The following PDLIM5 variants were observed in gnomAD, a reference collection of about 807,000 sequenced individuals.
PDLIM5 encodes the protein PDZ and LIM domain protein 5.
A neutral mutation model predicts 64.2 loss-of-function variants in PDLIM5; 34 were observed. That is an observed-to-expected ratio of 0.53 (90% CI 0.40 to 0.71). The LOEUF is 0.71. Among genes scored for constraint, PDLIM5 ranks in the 30% least tolerant of loss-of-function variants. The pLI, the probability that PDLIM5 is intolerant of heterozygous loss-of-function variation, is 0.00. For synonymous variants in PDLIM5, 253 were observed against 269.1 expected, an observed-to-expected ratio of 0.94 and a Z score of 0.59; for missense variants, 683 against 733.6, an observed-to-expected ratio of 0.93 and a Z score of 0.80.
Position 94,575,992 on chromosome 4 carries a change from G to A in PDLIM5, c.668G>A (p.Gly223Glu). 1 of 1,614,136 alleles carries A rather than the reference G, an allele frequency of 6.2e-7. No homozygotes were observed. Among genetic ancestry groups the A allele is most frequent in the African/African-American group, 1.3e-5 (1 of 75,044 alleles). ...CSETSQELAE[G>E]QRRGSQGDSK... is the part of the protein sequence containing the mutation. ...GAGACTTCTCAGGAGCTAGCAGAGGGACAGAGAAGAGGATCCCAGGGTGAC... is the reference window on the plus strand; with the variant it reads ...GAGACTTCTCAGGAGCTAGCAGAGGAACAGAGAAGAGGATCCCAGGGTGAC... Residue 223 changes from glycine (G) to glutamate (E), a missense_variant, in exon 5 of 13, where the codon GGA becomes GAA. Gly to Glu is a moderately conservative substitution (Grantham distance 98). Coordinates refer to ENST00000317968, the MANE Select transcript of PDLIM5 (RefSeq NM_006457.5).
At chr4:94,472,214 T>C (rs77961014) in intron 2 of PDLIM5, among the ~76,000 whole-genome samples, 7 of 152,220 alleles carry the variant, frequency 4.6e-5, no homozygotes, top group African/African-American at 1.4e-4. Flanking sequence ...GAATTACTTA[T>C]GAAGTCTCTT....
chr4:94,463,848 C>T (rs888517634), intron 2 of PDLIM5, among the ~76,000 whole-genome samples: 10 of 152,152 alleles, frequency 6.6e-5, no homozygotes, highest in African/African-American at 2.4e-4. Flanking sequence ...CCTTATGAGA[C>T]TCAGTGTGTT....
intron 8 of PDLIM5, among the ~76,000 whole-genome samples, chr4:94,621,284 A>T (rs1458748389): frequency 6.6e-6 from 1 of 152,106 alleles, no homozygotes; most frequent in African/African-American, 2.4e-5. Context: ...AAATTTCTGG[A>T]CTATTAACTG....
rs1300442839 is a variant in PDLIM5, at chr4:94,608,078, G to T, written c.921-9926G>T. 2.0e-6 allele frequency: 3 copies of T among 1,532,260 alleles called. No homozygotes were observed. In the Admixed American group the frequency reaches 5.9e-5, roughly 30 times the overall value. 94.9% of individuals were successfully genotyped at this position (1,532,260 alleles called of 1,614,324 possible). Reference sequence around the variant, plus strand: ...ACTTAGGTTTGACAGTGCTCTGGAAGACCTACCTAAGAGTGGACCTCACCC... The same window carrying T: ...ACTTAGGTTTGACAGTGCTCTGGAATACCTACCTAAGAGTGGACCTCACCC... On this transcript the variant is annotated intron_variant, in intron 7 of 12. Transcript: ENST00000317968.
At chr4:94,508,135 A>G (rs1424584815) in intron 2 of PDLIM5, among the ~76,000 whole-genome samples, 1 of 71,606 alleles carries the variant, frequency 1.4e-5, no homozygotes, top group Non-Finnish European at 2.6e-5. Context: ...CACTGACATA[A>G]GAACATTTCC....
At chr4:94,614,351 G>A (rs1402128396) in intron 7 of PDLIM5, among the ~76,000 whole-genome samples, 2 of 152,112 alleles carry the variant, frequency 1.3e-5, no homozygotes, top group South Asian at 2.1e-4. Flanking sequence ...CTGGGCTCAA[G>A]CAGTCCTTCT....
chr4:94,588,556 T>A (rs1199503650), intron 7 of PDLIM5, among the ~76,000 whole-genome samples: 1 of 145,122 alleles, frequency 6.9e-6, no homozygotes, highest in African/African-American at 2.5e-5. Flanking sequence ...AGAGCGAAAC[T>A]CCATCTCTAA....
At chr4:94,581,552 C>T (rs1023476210) in intron 5 of PDLIM5, among the ~76,000 whole-genome samples, 1 of 152,122 alleles carries the variant, frequency 6.6e-6, no homozygotes, top group African/African-American at 2.4e-5. Context: ...CAACTTAATC[C>T]TGCATCTCAC....
At chr4:94,634,323 A>G (rs987397095) in intron 8 of PDLIM5, among the ~76,000 whole-genome samples, 1 of 152,172 alleles carries the variant, frequency 6.6e-6, no homozygotes, top group Non-Finnish European at 1.5e-5. Flanking sequence ...GTGAGACATC[A>G]TTATGTGATG....
intron 3 of PDLIM5, 70 bp downstream of exon 3, chr4:94,523,945 C>CA: frequency 8.7e-7 from 1 of 1,152,898 alleles, no homozygotes; most frequent in East Asian, 2.4e-5. Flanking sequence ...GTGTCTGACT[C>CA]ACGGTGTTAA....
chr4:94,462,301 A>G (rs1723966230), intron 2 of PDLIM5, among the ~76,000 whole-genome samples: 1 of 152,102 alleles, frequency 6.6e-6, no homozygotes, highest in Admixed American at 6.5e-5. Context: ...ACTTCCAGAG[A>G]TAATCTATAG....
At chr4:94,626,191 ACTCATGAATACAATGGG>A (rs1446650569) in intron 8 of PDLIM5, among the ~76,000 whole-genome samples, 9 of 152,182 alleles carry the variant, frequency 5.9e-5, no homozygotes, top group African/African-American at 2.4e-5. Context: ...AGGATTGGGA[ACTCATGAATACAATGGG>A]CGGCCTAAAA....
At chr4:94,617,974 A>T (rs1216009766) in intron 7 of PDLIM5, 30 bp from the exon 8 acceptor site, 12 of 1,348,584 alleles carry the variant, frequency 8.9e-6, no homozygotes, top group Non-Finnish European at 1.2e-5. Context: ...CTACCACTTC[A>T]CCAAAGATGT....
In PDLIM5 at chr4:94,665,976, T is replaced by C. The variant is rs1198620964; in HGVS notation, c.*1909T>C. The stretch of plus-strand genomic sequence containing the variant: ...GTGGATCCTGTTGCTATTTGCCCAG[T>C]GAGAAAACAGATTCTGGTATTTGAT... On this transcript the variant is annotated 3_prime_UTR_variant, in exon 13 of 13. Transcript: ENST00000317968. 3.3e-6 allele frequency: 5 copies of C among 1,531,754 alleles called. No individual in the cohort carries two copies. The highest frequency in any genetic ancestry group is 2.7e-5 in the African/African-American group (2 of 72,894). 94.9% of individuals were successfully genotyped at this position (1,531,754 alleles called of 1,614,324 possible).
chr4:94,506,195 A>G (rs1026375883), intron 2 of PDLIM5, among the ~76,000 whole-genome samples: 4 of 152,258 alleles, frequency 2.6e-5, no homozygotes, highest in African/African-American at 4.8e-5. Flanking sequence ...TCTGTAAAAC[A>G]CAGTAATTCA....
intron 7 of PDLIM5, among the ~76,000 whole-genome samples, chr4:94,594,452 AATCT>A (rs1456479045): frequency 1.3e-5 from 2 of 152,112 alleles, no homozygotes; most frequent in African/African-American, 4.8e-5. Flanking sequence ...ATAAGAATCT[AATCT>A]ACAACATTGA....
At chr4:94,661,980 C>T (rs1446806354) in intron 11 of PDLIM5, among the ~76,000 whole-genome samples, 1 of 152,038 alleles carries the variant, frequency 6.6e-6, no homozygotes, top group East Asian at 1.9e-4. Flanking sequence ...GCCACCACGC[C>T]CAGCTAATTT....
At chr4:94,507,276 CCTGA>C (rs1200711320) in intron 2 of PDLIM5, among the ~76,000 whole-genome samples, 1 of 151,740 alleles carries the variant, frequency 6.6e-6, no homozygotes, top group African/African-American at 2.4e-5. Flanking sequence ...TCTGAAGAAC[CCTGA>C]CTAATACACC....
chr4:94,633,860 A>T (rs1740348437), intron 8 of PDLIM5, among the ~76,000 whole-genome samples: 1 of 152,194 alleles, frequency 6.6e-6, no homozygotes, highest in Non-Finnish European at 1.5e-5. Context: ...CAGGAAAGCT[A>T]CATTGATAAT....
Sources: gnomAD v4.1 joint callset for allele counts (sites outside exome capture counted in the v4.1 genomes callset) on GRCh38, gnomAD v4.1.1 for gene constraint, MANE v1.5 for transcripts, NCBI Gene and HGNC (gene_info 2026-07-23, HGNC 2026-07-21) for gene names.